Variants in RBFOX1 observed in about 807,000 individuals in gnomAD.
RBFOX1 encodes RNA binding fox-1 homolog 1.
RBFOX1 carries 8 observed loss-of-function variants against 57.7 expected under a neutral mutation model. The observed-to-expected ratio is 0.14, with a 90% CI of 0.08 to 0.25. The LOEUF (loss-of-function observed/expected upper bound fraction) is 0.25. RBFOX1 is among the 10% of genes least tolerant of loss of function. The pLI, the probability that RBFOX1 is intolerant of heterozygous loss-of-function variation, is 1.00. For synonymous variants in RBFOX1, 326 were observed against 222.4 expected, an observed-to-expected ratio of 1.47 and a Z score of -4.15; for missense variants, 611 against 548.5, an observed-to-expected ratio of 1.11 and a Z score of -1.14.
intron 4 of RBFOX1, among the ~76,000 whole-genome samples, chr16:7,101,284 G>T (rs539091035): frequency 1.8e-4 from 27 of 152,270 alleles, no homozygotes; most frequent in African/African-American, 6.0e-4. Flanking sequence ...CTCGCCGCTA[G>T]CTTGGATGAA....
At chr16:7,672,117 TTAG>T (rs1293982625) in intron 13 of RBFOX1, among the ~76,000 whole-genome samples, 29 of 152,304 alleles carry the variant, frequency 1.9e-4, no homozygotes, top group African/African-American at 6.7e-4. Context: ...CTCCCTGGTC[TTAG>T]TAGAGCTGAT....
At chr16:6,103,626 A>G (rs965803815) in intron 1 of RBFOX1, among the ~76,000 whole-genome samples, 1 of 152,092 alleles carries the variant, frequency 6.6e-6, no homozygotes, top group Non-Finnish European at 1.5e-5. Context: ...TCCTGGCTTC[A>G]GTCACCCTTG....
intron 2 of RBFOX1, among the ~76,000 whole-genome samples, chr16:5,553,679 G>C (rs954631820): frequency 4.9e-5 from 3 of 61,744 alleles, no homozygotes; most frequent in Admixed American, 2.0e-4. Context: ...CTATATATGT[G>C]TGTATATACA....
chr16:6,913,324 G>T (rs553714075), intron 3 of RBFOX1, among the ~76,000 whole-genome samples: 1 of 152,156 alleles, frequency 6.6e-6, no homozygotes, highest in African/African-American at 2.4e-5. Context: ...TTCAACTGGG[G>T]ATAAGGAGAA....
intron 14 of RBFOX1, among the ~76,000 whole-genome samples, chr16:7,704,649 T>C (rs2081861985): frequency 6.6e-6 from 1 of 152,202 alleles, no homozygotes; most frequent in Non-Finnish European, 1.5e-5. Context: ...GGAGTTCTCG[T>C]TCCAGGAGGG....
intron 2 of RBFOX1, among the ~76,000 whole-genome samples, chr16:5,576,814 G>C (rs954733882): frequency 1.3e-5 from 2 of 152,246 alleles, no homozygotes; most frequent in Admixed American, 6.5e-5. Flanking sequence ...GGAATAAGAA[G>C]CTGAAGGGTC....
intron 1 of RBFOX1, among the ~76,000 whole-genome samples, chr16:6,130,922 G>T (rs1305572576): frequency 6.6e-6 from 1 of 152,236 alleles, no homozygotes; most frequent in East Asian, 1.9e-4. Flanking sequence ...TGCAGTCATA[G>T]TTGTAGACAA....
chr16:7,150,614 T>A (rs1355208242), intron 4 of RBFOX1, among the ~76,000 whole-genome samples: 3 of 152,226 alleles, frequency 2.0e-5, no homozygotes, highest in Non-Finnish European at 4.4e-5. Flanking sequence ...TTCTTCTCTA[T>A]TGACAACTTA....
chr16:6,949,073 A>G (rs1256961642), intron 3 of RBFOX1, among the ~76,000 whole-genome samples: 2 of 152,136 alleles, frequency 1.3e-5, no homozygotes, highest in Non-Finnish European at 2.9e-5. Flanking sequence ...GGACAAAGCT[A>G]TTGTCAAGGT....
intron 12 of RBFOX1, among the ~76,000 whole-genome samples, chr16:7,655,836 C>G (rs930871714): frequency 1.3e-5 from 2 of 152,196 alleles, no homozygotes; most frequent in Admixed American, 6.5e-5. Flanking sequence ...TTTATCCTCA[C>G]ATGACCAATT....
chr16:5,548,174 A>AATATATATATATATATATATATATAT (rs71142629), intron 2 of RBFOX1, among the ~76,000 whole-genome samples: 4 of 33,562 alleles, frequency 1.2e-4, no homozygotes, highest in Non-Finnish European at 1.9e-4. Context: ...AAAAAAAAAA[A>AATATATATATATATATATATATATAT]ATATATATAT....
intron 1 of RBFOX1, among the ~76,000 whole-genome samples, chr16:5,445,323 G>A (rs895942800): frequency 3.9e-5 from 6 of 152,080 alleles, no homozygotes; most frequent in African/African-American, 1.4e-4. Context: ...TTCAAATCCT[G>A]GCTTGAATGT....
At chr16:6,348,500 C>A (rs553568921) in intron 2 of RBFOX1, among the ~76,000 whole-genome samples, 10 of 152,036 alleles carry the variant, frequency 6.6e-5, no homozygotes, top group Non-Finnish European at 1.3e-4. Context: ...TCTTGCACTG[C>A]TATAAGGAAA....
chr16:6,652,358 G>C (rs1178574953), intron 2 of RBFOX1, among the ~76,000 whole-genome samples: 2 of 152,082 alleles, frequency 1.3e-5, no homozygotes, highest in East Asian at 1.9e-4. Flanking sequence ...TGAGGCAGAA[G>C]AATCACTTGA....
chr16:6,932,493 C>T (rs1202744331), intron 3 of RBFOX1, among the ~76,000 whole-genome samples: 1 of 152,116 alleles, frequency 6.6e-6, no homozygotes, highest in Non-Finnish European at 1.5e-5. Flanking sequence ...AAACCATAGC[C>T]CTTCTTGATG....
chr16:6,142,761 A>G (rs752879297), intron 1 of RBFOX1, among the ~76,000 whole-genome samples: 15 of 152,162 alleles, frequency 9.9e-5, no homozygotes, highest in African/African-American at 1.9e-4. Context: ...AAATTGTTCC[A>G]TATTTTCCAC....
At chr16:7,382,566 G>T (rs977681075) in intron 4 of RBFOX1, among the ~76,000 whole-genome samples, 2 of 152,164 alleles carry the variant, frequency 1.3e-5, no homozygotes, top group Non-Finnish European at 2.9e-5. Context: ...CCATTTTCTT[G>T]CTGTAAGCCA....
chr16:7,305,824 A>G (rs2096168907), intron 4 of RBFOX1, among the ~76,000 whole-genome samples: 1 of 152,192 alleles, frequency 6.6e-6, no homozygotes, highest in Non-Finnish European at 1.5e-5. Flanking sequence ...TATTACGTTC[A>G]TTATTGAGTA....
rs144793437 is a variant in RBFOX1, at chr16:5,334,409, G to A, written c.219+94304G>A. On this transcript the variant is annotated intron_variant, in intron 1 of 2. Transcript: ENST00000585867. Reference sequence around the variant, plus strand: ...GGCAGTGCTTGTTCAAGATGGCTATGTTCCTGCTCTGTCAGACTGTATGGA... The same window carrying A: ...GGCAGTGCTTGTTCAAGATGGCTATATTCCTGCTCTGTCAGACTGTATGGA... Among the ~76,000 whole-genome samples the A allele has an allele frequency of 5.9e-5, 9 of 152,284 alleles. 1 individual carries two copies. The highest frequency in any genetic ancestry group is 1.3e-4 in the Non-Finnish European group (9 of 68,026).
Sources: allele counts gnomAD v4.1 joint callset (sites outside exome capture counted in the v4.1 genomes callset), GRCh38; gene constraint gnomAD v4.1.1; transcripts MANE v1.5; gene names NCBI Gene and HGNC (gene_info 2026-07-23, HGNC 2026-07-21).